WDFY4: variants seen among roughly 807,000 people sequenced by gnomAD.
WDFY4 encodes WD repeat- and FYVE domain-containing protein 4.
WDFY4 carries 169 observed loss-of-function variants against 351.9 expected under a neutral mutation model. The observed-to-expected ratio is 0.48, with a 90% CI of 0.42 to 0.55. WDFY4 has a LOEUF of 0.55. Ranked by LOEUF, WDFY4 falls within the 20% of genes least tolerant of loss-of-function variation. The pLI is 0.00. For synonymous variants in WDFY4, 1,622 were observed against 1,574.6 expected (o/e 1.03, Z -0.71); for missense variants, 3,803 against 3,935.6 (o/e 0.97, Z 0.90).
Position 48,778,649 on chromosome 10 carries a change from T to C in WDFY4, c.3214T>C (p.Phe1072Leu). 1 of 1,551,572 alleles carries C rather than the reference T, an allele frequency of 6.4e-7. No homozygotes were observed. Among genetic ancestry groups the C allele is most frequent in the Non-Finnish European group, 8.7e-7 (1 of 1,147,014 alleles). Residue 1072 changes from phenylalanine (F) to leucine (L), a missense_variant, in exon 18 of 62, where the codon TTC becomes CTC. By Grantham distance (22) the Phe-to-Leu change is conservative. Transcript: ENST00000325239. The part of the protein sequence containing the change: ...RPFPPPGGLT[F>L]SCWFLISRHG... ...GTTCCCTCCTCCTGGAGGTCTGACC[T>C]TCTCCTGCTGGTTCCTGATCAGCCG...
chr10:48,772,021 G>A (rs143861338), intron 13 of WDFY4, among the ~76,000 whole-genome samples: 2 of 152,256 alleles, frequency 1.3e-5, no homozygotes, highest in African/African-American at 4.8e-5. Context: ...CATTTACATG[G>A]CCATTGATCT....
intron 45 of WDFY4, among the ~76,000 whole-genome samples, chr10:48,899,245 A>G (rs1406294321): frequency 3.3e-5 from 5 of 152,172 alleles, no homozygotes; most frequent in Non-Finnish European, 5.9e-5. Flanking sequence ...ACCCTCCACA[A>G]ATTCTGCATT....
chr10:48,974,816 G>A, intron 57 of WDFY4, 46 bp from the exon 58 acceptor site: 1 of 1,470,204 alleles, frequency 6.8e-7, no homozygotes, highest in South Asian at 1.4e-5. Context: ...CCCAAAAGTA[G>A]CTGAATTGAG....
chr10:48,827,002 T>A (rs2068030891), intron 36 of WDFY4, 93 bp downstream of exon 36: 2 of 1,019,174 alleles, frequency 2.0e-6, no homozygotes. Context: ...GAGTTCTGTA[T>A]AAATGATATC....
intron 43 of WDFY4, 130 bp from the exon 44 acceptor site, chr10:48,890,449 C>T: frequency 1.8e-6 from 2 of 1,105,590 alleles, no homozygotes; most frequent in Admixed American, 2.1e-5. Context: ...AGCGGGACTG[C>T]CATTCATACA....
chr10:48,877,043 A>G lies in WDFY4; in HGVS notation c.7011A>G (p.Thr2337=). The G allele has an allele frequency of 1.3e-6, 2 of 1,493,386 alleles. No homozygotes were observed. Among genetic ancestry groups the G allele is most frequent in the Non-Finnish European group, 1.8e-6 (2 of 1,119,420 alleles). The allele number at this position is 1,493,386 out of a possible 1,614,324, so 92.5% of individuals were successfully genotyped here. A position where few individuals can be genotyped will look rare whatever the true frequency, so the allele number is the denominator to read the frequency against. Residue 2337 remains threonine (T), a synonymous_variant, in exon 43 of 62, where the codon ACA becomes ACG. Transcript: ENST00000325239. ...QTNAENQDEL[T]LREAEGEPDE... ...TTTATGCTGCTGCAGATGAACTGAC[A>G]CTGAGGGAGGCTGAGGGCGAGCCGG...
intron 13 of WDFY4, among the ~76,000 whole-genome samples, chr10:48,771,444 A>T (rs994940935): frequency 1.3e-5 from 2 of 152,158 alleles, no homozygotes; most frequent in Non-Finnish European, 2.9e-5. Context: ...CGGGTATGAT[A>T]ATTGTGCCTC....
intron 38 of WDFY4, among the ~76,000 whole-genome samples, chr10:48,831,809 G>A (rs913531827): frequency 6.6e-6 from 1 of 152,188 alleles, no homozygotes; most frequent in African/African-American, 2.4e-5. Flanking sequence ...CTCTGTAAGG[G>A]AGAAATGCTG....
intron 12 of WDFY4, among the ~76,000 whole-genome samples, chr10:48,747,418 A>G (rs1415908058): frequency 6.6e-6 from 1 of 152,192 alleles, no homozygotes; most frequent in East Asian, 1.9e-4. Context: ...ATGGATTTTT[A>G]AATTATGACC....
chr10:48,866,153 C>T (rs906913196), intron 39 of WDFY4, among the ~76,000 whole-genome samples: 4 of 151,956 alleles, frequency 2.6e-5, no homozygotes, highest in Non-Finnish European at 5.9e-5. Context: ...CTTTTTTCCC[C>T]AGTGTCTTCA....
At chr10:48,715,011 C>T (rs1383459917) in intron 2 of WDFY4, among the ~76,000 whole-genome samples, 1 of 152,214 alleles carries the variant, frequency 6.6e-6, no homozygotes, top group Non-Finnish European at 1.5e-5. Flanking sequence ...GCTTCTTCTG[C>T]CTCTCACTTG....
At chr10:48,963,759 C>T in intron 53 of WDFY4, 83 bp from the exon 54 acceptor site, 1 of 1,365,852 alleles carries the variant, frequency 7.3e-7, no homozygotes, top group East Asian at 2.5e-5. Context: ...CACTCTGAAG[C>T]ATGTGCCCCT....
In WDFY4 at chr10:48,814,005, G is replaced by A; in HGVS notation, c.5263G>A (p.Glu1755Lys). 1 of 1,550,832 alleles carries A rather than the reference G, an allele frequency of 6.4e-7. No homozygotes were observed. The highest frequency in any genetic ancestry group is 8.7e-7 in the Non-Finnish European group (1 of 1,146,508). Reference sequence around the variant, plus strand: ...GTGGCTCCTGCAGAGGCACCACCAGGAAGAAGTCCTCCAGGCTGGGCTGTG... The same window carrying A: ...GTGGCTCCTGCAGAGGCACCACCAGAAAGAAGTCCTCCAGGCTGGGCTGTG... Reference protein sequence around the residue: ...LQWLLQRHHQEEVLQAGLCTE... With the variant: ...LQWLLQRHHQKEVLQAGLCTE... Residue 1755 changes from glutamate to lysine, a missense_variant, in exon 31 of 62, where the codon GAA becomes AAA. Glu to Lys is a moderately conservative substitution (Grantham distance 56). Transcript: ENST00000325239.
chr10:48,885,890 C>A (rs563352890), intron 43 of WDFY4, among the ~76,000 whole-genome samples: 1 of 152,120 alleles, frequency 6.6e-6, no homozygotes, highest in East Asian at 1.9e-4. Context: ...CATAGATGAC[C>A]AAATATAGCC....
At chr10:48,790,567 C>A (rs191498364) in intron 22 of WDFY4, among the ~76,000 whole-genome samples, 160 bp from the exon 23 acceptor site, 168 of 152,340 alleles carry the variant, frequency 1.1e-3, no homozygotes, top group Admixed American at 2.6e-3. Flanking sequence ...CTTTCAGAAC[C>A]TCCTGCTCTT....
intron 1 of WDFY4, among the ~76,000 whole-genome samples, chr10:48,697,303 G>A (rs1005793093): frequency 9.9e-5 from 15 of 152,208 alleles, no homozygotes; most frequent in African/African-American, 3.6e-4. Flanking sequence ...TGTTCTATGA[G>A]CCACCCACAT....
chr10:48,957,327 G>A (rs1313240679), intron 52 of WDFY4, 45 bp downstream of exon 52: 5 of 1,536,334 alleles, frequency 3.3e-6, no homozygotes, highest in Non-Finnish European at 4.4e-6. Context: ...GTTGCAGGGT[G>A]CTCTTTCCCA....
At chr10:48,720,438 A>T (rs756121316) in intron 3 of WDFY4, among the ~76,000 whole-genome samples, 2 of 152,068 alleles carry the variant, frequency 1.3e-5, no homozygotes, top group African/African-American at 4.8e-5. Context: ...GACACTACAC[A>T]CAGACATTAT....
intron 47 of WDFY4, among the ~76,000 whole-genome samples, chr10:48,922,780 T>A (rs1839209480): frequency 2.0e-5 from 3 of 152,160 alleles, no homozygotes; most frequent in South Asian, 2.1e-4. Context: ...AATAAAAAAA[T>A]GTCTCAAACG....
Sources: gnomAD v4.1 joint callset for allele counts (sites outside exome capture counted in the v4.1 genomes callset) on GRCh38, gnomAD v4.1.1 for gene constraint, MANE v1.5 for transcripts, NCBI Gene and HGNC (gene_info 2026-07-23, HGNC 2026-07-21) for gene names.